The following NR5A2 variants were observed in gnomAD, a reference collection of about 807,000 sequenced individuals.
NR5A2 encodes the protein nuclear receptor subfamily 5 group A member 2.
In NR5A2, 26 loss-of-function variants were observed where a neutral mutation model predicts 62.7. The observed-to-expected ratio is 0.41, with a 90% CI of 0.30 to 0.58. The LOEUF (loss-of-function observed/expected upper bound fraction) is 0.58. Ranked by LOEUF, NR5A2 falls within the 20% of genes least tolerant of loss-of-function variation. The pLI, the probability that NR5A2 is intolerant of heterozygous loss-of-function variation, is 0.22. For missense variants in NR5A2, 541 were observed against 669.1 expected (o/e 0.81, Z 2.11); for synonymous variants, 246 against 241.7 (o/e 1.02, Z -0.16).
chr1:200,145,468 TTGTGTGTGTGTGTGTGTGTGTGTGTGTG>T lies in NR5A2; in HGVS notation c.1378+24533_1378+24560del, dbSNP rs66885184. ...GAAACTGGTAGGCCATTGATAGAATTTGTGTGTGTGTGTGTGTGTGTGTGTGTGTGTGTGTGTGTGTGTGTGTTATAAA... is the reference window on the plus strand; with the variant it reads ...GAAACTGGTAGGCCATTGATAGAATTTGTGTGTGTGTGTGTGTGTTATAAA... On this transcript the variant is annotated intron_variant, in intron 7 of 7. Coordinates refer to ENST00000367362, the MANE Select transcript of NR5A2 (RefSeq NM_205860.3). 0.025 allele frequency among the ~76,000 whole-genome samples: 3,556 copies of T among 142,206 alleles called. 217 individuals carry two copies. In the East Asian group the frequency reaches 0.26, roughly 10 times the overall value. 93.3% of individuals were successfully genotyped at this position (142,206 alleles called of 152,430 possible). A position where few individuals can be genotyped will look rare whatever the true frequency, so the allele number is the denominator to read the frequency against.
In NR5A2 at chr1:200,106,061, C is replaced by CCTCTGTTTTTTTTTT. The variant is rs373033375; in HGVS notation, c.1111-5141_1111-5140insCTCTGTTTTTTTTTT. The stretch of plus-strand genomic sequence containing the variant: ...CTTCTAATTGTTGGCCAGATTCACT[C>CCTCTGTTTTTTTTTT]TTCTTTTTTTTTTTGAGACAGAGTC... On this transcript the variant is annotated intron_variant, in intron 5 of 7. Transcript: ENST00000367362. Among the ~76,000 whole-genome samples the CCTCTGTTTTTTTTTT allele has an allele frequency of 2.6e-5, 3 of 115,060 alleles. 1 individual carries two copies. The highest frequency in any genetic ancestry group is 7.2e-5 in the African/African-American group (2 of 27,830). The allele number at this position is 115,060 out of a possible 152,430, so 75.5% of individuals were successfully genotyped here. A position where few individuals can be genotyped will look rare whatever the true frequency, so the allele number is the denominator to read the frequency against.
rs938982275 is a variant in NR5A2 at position 200,147,895 on chromosome 1, G to A, written c.1379-26068G>A. The A allele has an allele frequency of 3.0e-5, 12 of 399,990 alleles. No homozygotes were observed. Among genetic ancestry groups the A allele is most frequent in the African/African-American group, 1.0e-4 (5 of 47,930 alleles). The allele number at this position is 399,990 out of a possible 1,614,324, so 24.8% of individuals were successfully genotyped here. A position where few individuals can be genotyped will look rare whatever the true frequency, so the allele number is the denominator to read the frequency against. On this transcript the variant is annotated intron_variant, in intron 7 of 7. Transcript: ENST00000367362. The surrounding 1 kb of genome is among the most constrained non-coding windows in gnomAD (Gnocchi z 4.9). Reference sequence around the variant, plus strand: ...GTCCCCGGAGCGGTGGCCGGCGCGCGGGGAGAAGCTGCGGGCTGTGATGTG... The same window carrying A: ...GTCCCCGGAGCGGTGGCCGGCGCGCAGGGAGAAGCTGCGGGCTGTGATGTG...
At chr1:200,102,755 G>A (rs558791488) in intron 5 of NR5A2, among the ~76,000 whole-genome samples, 23 of 152,214 alleles carry the variant, frequency 1.5e-4, no homozygotes, top group African/African-American at 2.2e-4. Context: ...GTTTTGAACC[G>A]CTTACTCTAA....
intron 7 of NR5A2, among the ~76,000 whole-genome samples, chr1:200,152,578 A>G (rs61463737): frequency 0.12 from 18,833 of 152,226 alleles, 1,979 homozygotes; most frequent in African/African-American, 0.28. Flanking sequence ...CCAAAATACC[A>G]TTTTAAAATA....
chr1:200,071,780 A>T (rs1156696353), intron 5 of NR5A2, among the ~76,000 whole-genome samples: 2 of 152,220 alleles, frequency 1.3e-5, no homozygotes, highest in East Asian at 3.8e-4. Flanking sequence ...CAGTGGGACC[A>T]CAGGATCAAG....
At chr1:200,100,005 A>C (rs1665291905) in intron 5 of NR5A2, among the ~76,000 whole-genome samples, 1 of 152,232 alleles carries the variant, frequency 6.6e-6, no homozygotes, top group African/African-American at 2.4e-5. Context: ...CATCATATTC[A>C]CAACTGCCTT....
At chr1:200,087,690 C>T (rs1041401407) in intron 5 of NR5A2, among the ~76,000 whole-genome samples, 31 of 152,126 alleles carry the variant, frequency 2.0e-4, no homozygotes, top group East Asian at 1.2e-3. Context: ...CCACCGCGCC[C>T]GGCTTTATTT....
rs182719375 is a variant in NR5A2, at chr1:200,095,773, C to T, written c.1111-15429C>T. Among the ~76,000 whole-genome samples, 141 of 151,928 alleles carry T rather than the reference C, an allele frequency of 9.3e-4. 1 individual carries two copies. Among genetic ancestry groups the T allele is most frequent in the Non-Finnish European group, 1.5e-3 (101 of 67,954 alleles). ...TTTACCACGTTAGCCAGGATGGTGT[C>T]GATCTCCTGACCTTGTGATCTGCCC... On this transcript the variant is annotated intron_variant, in intron 5 of 7. Coordinates refer to ENST00000367362, the MANE Select transcript of NR5A2 (RefSeq NM_205860.3).
At chr1:200,129,524 C>T (rs866650480) in intron 7 of NR5A2, among the ~76,000 whole-genome samples, 1 of 152,174 alleles carries the variant, frequency 6.6e-6, no homozygotes, top group African/African-American at 2.4e-5. Context: ...AAGTACTATT[C>T]TGAATCTACC....
At chr1:200,069,449 C>T (rs1218236339) in intron 5 of NR5A2, among the ~76,000 whole-genome samples, 18 of 151,998 alleles carry the variant, frequency 1.2e-4, no homozygotes, top group South Asian at 4.2e-4. Context: ...TTAGTAGAGA[C>T]GGAGTTTCAC....
intron 3 of NR5A2, 38 bp downstream of exon 3, chr1:200,043,930 C>T: frequency 7.5e-7 from 1 of 1,336,502 alleles, no homozygotes; most frequent in Non-Finnish European, 1.1e-6. Flanking sequence ...ATATAATGTC[C>T]AACACCAAAA....
chr1:200,163,479 G>C (rs1653750981), intron 7 of NR5A2, among the ~76,000 whole-genome samples: 1 of 149,410 alleles, frequency 6.7e-6, no homozygotes, highest in Non-Finnish European at 1.5e-5. Flanking sequence ...GGGCAATTTT[G>C]TTTATTGTTT....
intron 5 of NR5A2, among the ~76,000 whole-genome samples, chr1:200,060,361 C>T (rs1380691445): frequency 6.6e-6 from 1 of 152,112 alleles, no homozygotes; most frequent in Non-Finnish European, 1.5e-5. Flanking sequence ...GTTAAATAGA[C>T]CCCAGAGAAG....
intron 5 of NR5A2, among the ~76,000 whole-genome samples, chr1:200,098,784 A>G (rs1665222225): frequency 6.6e-6 from 1 of 152,244 alleles, no homozygotes; most frequent in Non-Finnish European, 1.5e-5. Flanking sequence ...CCAGGTAATG[A>G]AAGGGTAGAC....
chr1:200,055,485 A>G (rs1163690353), intron 5 of NR5A2, among the ~76,000 whole-genome samples: 2 of 152,018 alleles, frequency 1.3e-5, no homozygotes, highest in Non-Finnish European at 2.9e-5. Context: ...CACTGTGCCC[A>G]GCCAGCCCTA....
rs1013523758 is a variant in NR5A2 at position 200,174,523 on chromosome 1, G to A, written c.*313G>A. 2.6e-5 allele frequency: 5 copies of A among 191,336 alleles called. No individual in the cohort carries two copies. Among genetic ancestry groups the A allele is most frequent in the Non-Finnish European group, 5.3e-5 (5 of 94,408 alleles). The allele number at this position is 191,336 out of a possible 1,614,324, so 11.9% of individuals were successfully genotyped here. ...ATACCAACACGGTCAGAAGAAAAAC[G>A]GACAGAACGGTTCTTGTATATTTAA... On this transcript the variant is annotated 3_prime_UTR_variant, in exon 8 of 8. Transcript: ENST00000367362.
chr1:200,145,426 T>C (rs1667650743), intron 7 of NR5A2, among the ~76,000 whole-genome samples: 1 of 151,668 alleles, frequency 6.6e-6, no homozygotes, highest in African/African-American at 2.4e-5. Flanking sequence ...GTGTGAAATA[T>C]ACCTAGGCAA....
intron 7 of NR5A2, among the ~76,000 whole-genome samples, chr1:200,154,656 C>G: frequency 6.6e-6 from 1 of 152,154 alleles, no homozygotes; most frequent in East Asian, 1.9e-4. Flanking sequence ...GAGTTTGAAT[C>G]TGACCTGGGC....
chr1:200,159,656 T>TTAG (rs1177771460), intron 7 of NR5A2, among the ~76,000 whole-genome samples: 1 of 151,160 alleles, frequency 6.6e-6, no homozygotes, highest in East Asian at 1.9e-4. Flanking sequence ...ATTATTATTA[T>TTAG]TATTATTATT....
Sources: gnomAD v4.1 joint callset for allele counts (sites outside exome capture counted in the v4.1 genomes callset) on GRCh38, gnomAD v4.1.1 for gene constraint, Gnocchi (gnomAD v3.1) non-coding constraint, MANE v1.5 for transcripts, NCBI Gene and HGNC (gene_info 2026-07-23, HGNC 2026-07-21) for gene names.